Variants in ROBO2 observed in about 807,000 individuals in gnomAD.
ROBO2 encodes roundabout guidance receptor 2, also known as roundabout homolog 2.
ROBO2 carries 53 observed loss-of-function variants against 160.8 expected under a neutral mutation model. That is an observed-to-expected ratio of 0.33 (90% CI 0.26 to 0.41). The LOEUF (loss-of-function observed/expected upper bound fraction) is 0.41, where lower values mean the gene tolerates loss of function less well. Ranked by LOEUF, ROBO2 falls within the 10% of genes least tolerant of loss-of-function variation. The pLI is 1.00. For synonymous variants in ROBO2, 664 were observed against 611.7 expected, an observed-to-expected ratio of 1.09 and a Z score of -1.26; for missense variants, 1,577 against 1,722.4, an observed-to-expected ratio of 0.92 and a Z score of 1.49.
chr3:76,604,335 A>G (rs13097612), intron 2 of ROBO2, among the ~76,000 whole-genome samples: 41,871 of 152,094 alleles, frequency 0.28, 7,160 homozygotes, highest in South Asian at 0.4. Flanking sequence ...TTTTCTTTGT[A>G]TTAAACATTA....
intron 2 of ROBO2, among the ~76,000 whole-genome samples, chr3:76,912,739 C>T (rs545575580): frequency 2.2e-4 from 33 of 152,188 alleles, no homozygotes; most frequent in Non-Finnish European, 3.7e-4. Context: ...TTCCGTTTCA[C>T]TAAACTTAAC....
chr3:76,291,716 T>C (rs1708813017), intron 2 of ROBO2, among the ~76,000 whole-genome samples: 1 of 152,144 alleles, frequency 6.6e-6, no homozygotes, highest in Admixed American at 6.5e-5. Flanking sequence ...ATTTTGATAA[T>C]ACCTTCATTT....
intron 2 of ROBO2, among the ~76,000 whole-genome samples, chr3:76,581,471 T>TA (rs930550068): frequency 1.4e-4 from 21 of 151,446 alleles, no homozygotes; most frequent in South Asian, 2.1e-4. Flanking sequence ...ATGTTGTCTC[T>TA]AAACAAAAAT....
At chr3:76,911,141 G>T (rs1031483545) in intron 2 of ROBO2, among the ~76,000 whole-genome samples, 1 of 152,124 alleles carries the variant, frequency 6.6e-6, no homozygotes, top group Admixed American at 6.5e-5. Flanking sequence ...GTACTTGGTG[G>T]TAATTTCATT....
At chr3:76,251,666 G>A (rs534987267) in intron 2 of ROBO2, among the ~76,000 whole-genome samples, 1 of 152,166 alleles carries the variant, frequency 6.6e-6, no homozygotes, top group Admixed American at 6.6e-5. Context: ...TTTTCTATAA[G>A]AACTGTGAAA....
intron 2 of ROBO2, among the ~76,000 whole-genome samples, chr3:77,386,845 C>T (rs1178089353): frequency 6.6e-6 from 1 of 151,834 alleles, no homozygotes; most frequent in African/African-American, 2.4e-5. Context: ...TCAGATGACC[C>T]ACCTGCCTTG....
At chr3:76,606,679 T>C (rs138744544) in intron 2 of ROBO2, among the ~76,000 whole-genome samples, 8 of 152,216 alleles carry the variant, frequency 5.3e-5, no homozygotes, top group Admixed American at 4.6e-4. Context: ...GTCTTAATGT[T>C]TGTCTTTCTT....
intron 21 of ROBO2, among the ~76,000 whole-genome samples, chr3:77,611,297 C>CA (rs11330872): frequency 0.54 from 71,476 of 131,920 alleles, 17,953 homozygotes; most frequent in Middle Eastern, 0.73. Context: ...GACTCTGTCT[C>CA]AAAAAAAAAA....
At chr3:75,952,369 TTTATTAATGAA>T (rs1456322792) in intron 2 of ROBO2, among the ~76,000 whole-genome samples, 2 of 152,012 alleles carry the variant, frequency 1.3e-5, no homozygotes, top group Non-Finnish European at 2.9e-5. Context: ...TGAAACTATA[TTTATTAATGAA>T]ATGTAATCTA....
At chr3:76,398,382 A>G (rs949215585) in intron 2 of ROBO2, among the ~76,000 whole-genome samples, 8 of 151,692 alleles carry the variant, frequency 5.3e-5, no homozygotes, top group Non-Finnish European at 8.8e-5. Context: ...GCTAAATGAC[A>G]AGTTAATGGG....
At chr3:77,393,654 A>G (rs1401381024) in intron 2 of ROBO2, among the ~76,000 whole-genome samples, 1 of 150,256 alleles carries the variant, frequency 6.7e-6, no homozygotes, top group African/African-American at 2.4e-5. Flanking sequence ...TTGCAAAGAC[A>G]ACTTCACATA....
At chr3:76,051,264 T>TATGTATTC (rs11282172) in intron 2 of ROBO2, among the ~76,000 whole-genome samples, 100,320 of 151,228 alleles carry the variant, frequency 0.66, 34,537 homozygotes, top group African/African-American at 0.86. Context: ...AGTACTTTGA[T>TATGTATTC]ATGTCACTAT....
chr3:76,900,994 A>T (rs1234474348), intron 2 of ROBO2, among the ~76,000 whole-genome samples: 1 of 152,212 alleles, frequency 6.6e-6, no homozygotes, highest in Non-Finnish European at 1.5e-5. Flanking sequence ...GGAATAAATT[A>T]AATATTGTAC....
chr3:77,527,560 G>GT (rs549724622), intron 6 of ROBO2, 146 bp downstream of exon 7: 130 of 502,558 alleles, frequency 2.6e-4, no homozygotes, highest in South Asian at 6.2e-4. Context: ...AGTTGCTCAT[G>GT]TTTTTTTTAC....
At chr3:76,684,123 G>T (rs749832761) in intron 2 of ROBO2, among the ~76,000 whole-genome samples, 1 of 151,906 alleles carries the variant, frequency 6.6e-6, no homozygotes, top group Non-Finnish European at 1.5e-5. Context: ...AAGGAAAAAT[G>T]AGTCTATTGA....
chr3:76,928,542 G>A (rs2077130768), intron 2 of ROBO2, among the ~76,000 whole-genome samples: 1 of 149,308 alleles, frequency 6.7e-6, no homozygotes, highest in Admixed American at 6.7e-5. Context: ...ATTATTAGAT[G>A]TTCTCATTCA....
intron 2 of ROBO2, among the ~76,000 whole-genome samples, chr3:76,569,341 C>A (rs1277122018): frequency 2.6e-5 from 4 of 151,986 alleles, no homozygotes; most frequent in African/African-American, 7.2e-5. Context: ...ACAAATGTTC[C>A]TGTTCAGCAA....
intron 2 of ROBO2, among the ~76,000 whole-genome samples, chr3:76,551,929 C>A (rs2083447030): frequency 6.6e-6 from 1 of 152,124 alleles, no homozygotes; most frequent in African/African-American, 2.4e-5. Flanking sequence ...TTGGCAAGTG[C>A]TGGATCTGGT....
chr3:76,732,449 G>C (rs1179336449), intron 2 of ROBO2, among the ~76,000 whole-genome samples: 2 of 152,164 alleles, frequency 1.3e-5, no homozygotes, highest in Non-Finnish European at 2.9e-5. Flanking sequence ...TGTTGCTGAT[G>C]GGAGGTGGCA....
Sources: gnomAD v4.1 joint callset for allele counts (sites outside exome capture counted in the v4.1 genomes callset) on GRCh38, gnomAD v4.1.1 for gene constraint, MANE v1.5 for transcripts, NCBI Gene and HGNC (gene_info 2026-07-23, HGNC 2026-07-21) for gene names.